DUSP28: variants seen among roughly 807,000 people sequenced by gnomAD.
DUSP28 encodes the protein dual specificity phosphatase 28.
In DUSP28, 11 loss-of-function variants were observed where a neutral mutation model predicts 8.4. The ratio of observed to expected loss-of-function variants is 1.31; its 90% CI spans 0.83 to 2.17. DUSP28 has a LOEUF of 2.17. Ranked by LOEUF, DUSP28 falls within the 30% of genes most tolerant of loss-of-function variation. The probability of loss-of-function intolerance (pLI) is 0.00; values close to 1 mark genes in which losing one functional copy is unlikely to be tolerated. For missense variants in DUSP28, 373 were observed against 270.4 expected, an observed-to-expected ratio of 1.38 and a Z score of -2.66; for synonymous variants, 178 against 130.9, an observed-to-expected ratio of 1.36 and a Z score of -2.46.
chr2:240,561,276 C>A (rs116954497), intron 1 of DUSP28, 54 bp from the exon 2 acceptor site: 3 of 1,611,502 alleles, frequency 1.9e-6, no homozygotes, highest in East Asian at 2.2e-5. Flanking sequence ...CCGCCTTGGC[C>A]CCTGCTGGCC....
chr2:240,564,758 C>T lies in DUSP28; in HGVS notation c.*3291C>T, dbSNP rs554209458. 7.9e-5 allele frequency among the ~76,000 whole-genome samples: 12 copies of T among 152,314 alleles called. No homozygotes were observed. Among genetic ancestry groups the T allele is most frequent in the Admixed American group, 3.3e-4 (5 of 15,298 alleles). The stretch of plus-strand genomic sequence containing the variant: ...GCTGAAGCCACAGTACATCTCCTTC[C>T]TCCCACCTCCCAGACCTCTCACTGG... On this transcript the variant is annotated 3_prime_UTR_variant, in exon 2 of 2. Coordinates refer to ENST00000405954, the MANE Select transcript of DUSP28 (RefSeq NM_001370465.2).
Position 240,561,771 on chromosome 2 carries a change from G to A in DUSP28, c.*304G>A, listed in dbSNP as rs1451377311. ...GGCGCATTCTACCAGTCTCAGGGAAGGACATGAGTACAGACTACAGTAATC... is the reference window on the plus strand; with the variant it reads ...GGCGCATTCTACCAGTCTCAGGGAAAGACATGAGTACAGACTACAGTAATC... On this transcript the variant is annotated 3_prime_UTR_variant, in exon 2 of 2. Transcript: ENST00000405954. 2.8e-6 allele frequency: 1 copy of A among 353,056 alleles called. No homozygotes were observed. Among genetic ancestry groups the A allele is most frequent in the Non-Finnish European group, 5.2e-6 (1 of 191,960 alleles). 21.9% of individuals were successfully genotyped at this position (353,056 alleles called of 1,614,324 possible). A position where few individuals can be genotyped will look rare whatever the true frequency, so the allele number is the denominator to read the frequency against.
In DUSP28 at chr2:240,563,237, A is replaced by T. The variant is rs12473680; in HGVS notation, c.*1770A>T. ...TTTTTTTTTCTTGAGACGGAGTCTC[A>T]CTCTGGTGCCCAGGCTGGAGTGGGC... On this transcript the variant is annotated 3_prime_UTR_variant, in exon 2 of 2. Coordinates refer to ENST00000405954, the MANE Select transcript of DUSP28 (RefSeq NM_001370465.2). The T allele has an allele frequency of 0.075, 11,230 of 150,548 alleles. 459 individuals carry two copies. Among genetic ancestry groups the T allele is most frequent in the Middle Eastern group, 0.22 (62 of 286 alleles). The allele number at this position is 150,548 out of a possible 1,614,324, so 9.3% of individuals were successfully genotyped here. A position where few individuals can be genotyped will look rare whatever the true frequency, so the allele number is the denominator to read the frequency against.
Position 240,561,699 on chromosome 2 carries a change from G to T in DUSP28, c.*232G>T, listed in dbSNP as rs1244624126. ...GACAAATTAAGAAAAAGCAAATAGG[G>T]ATCCTCCATTATTTACACTCCAGAA... On this transcript the variant is annotated 3_prime_UTR_variant, in exon 2 of 2. Transcript: ENST00000405954. 1 of 586,934 alleles carries T rather than the reference G, an allele frequency of 1.7e-6. No homozygotes were observed. The highest frequency in any genetic ancestry group is 2.8e-6 in the Non-Finnish European group (1 of 358,932). The allele number at this position is 586,934 out of a possible 1,614,324, so 36.4% of individuals were successfully genotyped here.
In DUSP28 at chr2:240,561,635, TAC is replaced by T. The variant is rs2092961841; in HGVS notation, c.*170_*171del. On this transcript the variant is annotated 3_prime_UTR_variant, in exon 2 of 2. Coordinates refer to ENST00000405954, the MANE Select transcript of DUSP28 (RefSeq NM_001370465.2). ...GGCTGAGGTGATGCACAAATTATCT[TAC>T]AGACACAAAAAGAAATACATTTGGT... 1 of 904,736 alleles carries T rather than the reference TAC, an allele frequency of 1.1e-6. No individual in the cohort carries two copies. The highest frequency in any genetic ancestry group is 3.6e-5 in the Admixed American group (1 of 27,936). 56.0% of individuals were successfully genotyped at this position (904,736 alleles called of 1,614,324 possible).
chr2:240,561,434 G>A lies in DUSP28; in HGVS notation c.498G>A (p.Glu166=). 1 of 1,613,642 alleles carries A rather than the reference G, an allele frequency of 6.2e-7. No individual in the cohort carries two copies. Among genetic ancestry groups the A allele is most frequent in the Non-Finnish European group, 8.5e-7 (1 of 1,180,022 alleles). ...AGGCCCAGTCCTGCCTGCAGGGAGA[G>A]CCCCCAGCCTTAGGGTTGGGCCCTG... ...ALQAQSCLQG[E]PPALGLGPEA Residue 166 remains glutamate, a synonymous_variant, in exon 2 of 2, where the codon GAG becomes GAA. Coordinates refer to ENST00000405954, the MANE Select transcript of DUSP28 (RefSeq NM_001370465.2).
Position 240,561,633 on chromosome 2 carries a change from C to A in DUSP28, c.*166C>A. On this transcript the variant is annotated 3_prime_UTR_variant, in exon 2 of 2. Coordinates refer to ENST00000405954, the MANE Select transcript of DUSP28 (RefSeq NM_001370465.2). The stretch of plus-strand genomic sequence containing the variant: ...CCGGCTGAGGTGATGCACAAATTAT[C>A]TTACAGACACAAAAAGAAATACATT... The A allele has an allele frequency of 1.1e-6, 1 of 909,956 alleles. No individual in the cohort carries two copies. Among genetic ancestry groups the A allele is most frequent in the Non-Finnish European group, 1.5e-6 (1 of 650,042 alleles). The allele number at this position is 909,956 out of a possible 1,614,324, so 56.4% of individuals were successfully genotyped here.
In DUSP28 at chr2:240,561,560, T is replaced by TCCTTTGTGTGTGTGTGTGTGA; in HGVS notation, c.*94_*114dup. ...TCTTCCTCACTGTCATATCGAGTTT[T>TCCTTTGTGTGTGTGTGTGTGA]CCTTTGTGTGTGTGTGTGTGAAACA... On this transcript the variant is annotated 3_prime_UTR_variant, in exon 2 of 2. Coordinates refer to ENST00000405954, the MANE Select transcript of DUSP28 (RefSeq NM_001370465.2). 1 of 1,462,596 alleles carries TCCTTTGTGTGTGTGTGTGTGA rather than the reference T, an allele frequency of 6.8e-7. No homozygotes were observed. The highest frequency in any genetic ancestry group is 9.1e-7 in the Non-Finnish European group (1 of 1,104,874). The allele number at this position is 1,462,596 out of a possible 1,614,324, so 90.6% of individuals were successfully genotyped here.
rs924009811 is a variant in DUSP28, at chr2:240,561,645, A to G, written c.*178A>G. 9.4e-5 allele frequency: 82 copies of G among 871,452 alleles called. No individual in the cohort carries two copies. Among genetic ancestry groups the G allele is most frequent in the Non-Finnish European group, 1.2e-4 (71 of 603,736 alleles). The allele number at this position is 871,452 out of a possible 1,614,324, so 54.0% of individuals were successfully genotyped here. ...ATGCACAAATTATCTTACAGACACA[A>G]AAAGAAATACATTTGGTAAAACATC... On this transcript the variant is annotated 3_prime_UTR_variant, in exon 2 of 2. Coordinates refer to ENST00000405954, the MANE Select transcript of DUSP28 (RefSeq NM_001370465.2).
Position 240,561,741 on chromosome 2 carries a change from G to C in DUSP28, c.*274G>C. The stretch of plus-strand genomic sequence containing the variant: ...ACTCCAGAATCTTGAGTGTTTGGGG[G>C]TGCCGGCGCATTCTACCAGTCTCAG... On this transcript the variant is annotated 3_prime_UTR_variant, in exon 2 of 2. Coordinates refer to ENST00000405954, the MANE Select transcript of DUSP28 (RefSeq NM_001370465.2). 2.4e-6 allele frequency: 1 copy of C among 411,282 alleles called. No individual in the cohort carries two copies. The allele number at this position is 411,282 out of a possible 1,614,324, so 25.5% of individuals were successfully genotyped here. A position where few individuals can be genotyped will look rare whatever the true frequency, so the allele number is the denominator to read the frequency against.
rs1189324201 is a variant in DUSP28, at chr2:240,560,806, C to T, written c.122C>T (p.Ala41Val). ...GCCGCGGGCGCGGAGGAGCAGCTGG[C>T]GCGCGCGGGAGTCACGCTGTGCGTC... Reference protein sequence around the residue: ...ARAAGAEEQLARAGVTLCVNV... With the variant: ...ARAAGAEEQLVRAGVTLCVNV... Residue 41 changes from alanine (A) to valine (V), a missense_variant, in exon 1 of 2, where the codon GCG becomes GTG. Coordinates refer to ENST00000405954, the MANE Select transcript of DUSP28 (RefSeq NM_001370465.2). 1 of 1,441,922 alleles carries T rather than the reference C, an allele frequency of 6.9e-7. No homozygotes were observed. The highest frequency in any genetic ancestry group is 9.0e-7 in the Non-Finnish European group (1 of 1,105,492). 89.3% of individuals were successfully genotyped at this position (1,441,922 alleles called of 1,614,324 possible). A position where few individuals can be genotyped will look rare whatever the true frequency, so the allele number is the denominator to read the frequency against.
At position 240,564,520 on chromosome 2, in the gene DUSP28, A is replaced by T. The variant is rs2092996409; in HGVS notation, c.*3053A>T. On this transcript the variant is annotated 3_prime_UTR_variant, in exon 2 of 2. Transcript: ENST00000405954. Reference sequence around the variant, plus strand: ...TCCGTCCTCTCCCTCTGGTCAGCTCAGCTTATTAAACAAGCCTTGGTCAGG... The same window carrying T: ...TCCGTCCTCTCCCTCTGGTCAGCTCTGCTTATTAAACAAGCCTTGGTCAGG... Among the ~76,000 whole-genome samples, 1 of 152,232 alleles carries T rather than the reference A, an allele frequency of 6.6e-6. No homozygotes were observed. Among genetic ancestry groups the T allele is most frequent in the Non-Finnish European group, 1.5e-5 (1 of 68,026 alleles).
At position 240,561,094 on chromosome 2, in the gene DUSP28, G is replaced by T. The variant is rs1180000328; in HGVS notation, c.393+17G>T. The T allele has an allele frequency of 1.1e-5, 16 of 1,467,172 alleles. No homozygotes were observed. Among genetic ancestry groups the T allele is most frequent in the Non-Finnish European group, 1.3e-5 (15 of 1,117,880 alleles). 90.9% of individuals were successfully genotyped at this position (1,467,172 alleles called of 1,614,324 possible). A position where few individuals can be genotyped will look rare whatever the true frequency, so the allele number is the denominator to read the frequency against. On this transcript the variant is annotated intron_variant, in intron 1 of 1. Coordinates refer to ENST00000405954, the MANE Select transcript of DUSP28 (RefSeq NM_001370465.2). ...GCCTTCCAGGTGGGCGGGCCTTTAGGGGGGCGGTGTTTCGAGAGGGGCGTG... is the reference window on the plus strand; with the variant it reads ...GCCTTCCAGGTGGGCGGGCCTTTAGTGGGGCGGTGTTTCGAGAGGGGCGTG...
chr2:240,560,742 G>T lies in DUSP28; in HGVS notation c.58G>T (p.Val20Leu). ...CGCCTCGCCCGTACCTCCACCGTTGGTGCGCGTCGCGCCCTCACTCTTCCT... is the reference window on the plus strand; with the variant it reads ...CGCCTCGCCCGTACCTCCACCGTTGTTGCGCGTCGCGCCCTCACTCTTCCT... Reference protein sequence around the residue: ...GAASPVPPPLVRVAPSLFLGS... With the variant: ...GAASPVPPPLLRVAPSLFLGS... Residue 20 changes from valine to leucine, a missense_variant, in exon 1 of 2, where the codon GTG becomes TTG. By Grantham distance (32) the Val-to-Leu change is conservative. Transcript: ENST00000405954. 9.9e-6 allele frequency: 15 copies of T among 1,514,276 alleles called. No individual in the cohort carries two copies. The highest frequency in any genetic ancestry group is 1.3e-5 in the Non-Finnish European group (15 of 1,143,268). The allele number at this position is 1,514,276 out of a possible 1,614,324, so 93.8% of individuals were successfully genotyped here. A position where few individuals can be genotyped will look rare whatever the true frequency, so the allele number is the denominator to read the frequency against.
intron 1 of DUSP28, 43 bp from the exon 2 acceptor site, chr2:240,561,287 A>T (rs763215706): frequency 6.2e-7 from 1 of 1,612,840 alleles, no homozygotes; most frequent in East Asian, 2.2e-5. Flanking sequence ...CCTGCTGGCC[A>T]TTAGCGCGAC....
rs1375233006 is a variant in DUSP28, at chr2:240,563,686, A to G, written c.*2219A>G. ...GTTTGCATTTCAGCTGTTTCTGGCA[A>G]AGCCTGCCGTGTCTTACATTTGTCT... On this transcript the variant is annotated 3_prime_UTR_variant, in exon 2 of 2. Transcript: ENST00000405954. 6.6e-6 allele frequency: 1 copy of G among 152,624 alleles called. No homozygotes were observed. The highest frequency in any genetic ancestry group is 1.9e-4 in the East Asian group (1 of 5,336). 9.5% of individuals were successfully genotyped at this position (152,624 alleles called of 1,614,324 possible).
Position 240,561,690 on chromosome 2 carries a change from G to A in DUSP28, c.*223G>A. On this transcript the variant is annotated 3_prime_UTR_variant, in exon 2 of 2. Transcript: ENST00000405954. ...AACATCGAAGACAAATTAAGAAAAA[G>A]CAAATAGGGATCCTCCATTATTTAC... The A allele has an allele frequency of 1.6e-6, 1 of 629,692 alleles. No individual in the cohort carries two copies. The highest frequency in any genetic ancestry group is 2.5e-6 in the Non-Finnish European group (1 of 393,404). The allele number at this position is 629,692 out of a possible 1,614,324, so 39.0% of individuals were successfully genotyped here.
In DUSP28 at chr2:240,565,179, G is replaced by A. The variant is rs1005990405; in HGVS notation, c.*3712G>A. On this transcript the variant is annotated 3_prime_UTR_variant, in exon 2 of 2. Transcript: ENST00000405954. The stretch of plus-strand genomic sequence containing the variant: ...ATACATGTGAATCACAGATAACGTA[G>A]TCATTGGTTAATATATACAACTACG... Among the ~76,000 whole-genome samples the A allele has an allele frequency of 6.6e-6, 1 of 151,624 alleles. No individual in the cohort carries two copies. The highest frequency in any genetic ancestry group is 1.5e-5 in the Non-Finnish European group (1 of 68,038).
chr2:240,561,251 C>T (rs2092947877), intron 1 of DUSP28, 79 bp from the exon 2 acceptor site: 1 of 1,605,050 alleles, frequency 6.2e-7, no homozygotes, highest in Non-Finnish European at 8.5e-7. Context: ...GCGGGGCCCA[C>T]TCTTACAGCT....
Sources: allele counts gnomAD v4.1 joint callset (sites outside exome capture counted in the v4.1 genomes callset), GRCh38; gene constraint gnomAD v4.1.1; transcripts MANE v1.5; gene names NCBI Gene and HGNC (gene_info 2026-07-23, HGNC 2026-07-21).